GPR107: variants seen among roughly 807,000 people sequenced by gnomAD.
The protein encoded by GPR107 is protein GPR107.
In GPR107, 31 loss-of-function variants were observed where a neutral mutation model predicts 75.5. The ratio of observed to expected loss-of-function variants is 0.41; its 90% CI spans 0.31 to 0.55. GPR107 has a LOEUF of 0.55. Among genes scored for constraint, GPR107 ranks in the 20% least tolerant of loss-of-function variants. The pLI, the probability that GPR107 is intolerant of heterozygous loss-of-function variation, is 0.26. For synonymous variants in GPR107, 267 were observed against 251.3 expected, an observed-to-expected ratio of 1.06 and a Z score of -0.59; for missense variants, 572 against 665.7, an observed-to-expected ratio of 0.86 and a Z score of 1.55.
At chr9:130,109,807 G>A (rs1273607338) in intron 14 of GPR107, among the ~76,000 whole-genome samples, 9 of 152,028 alleles carry the variant, frequency 5.9e-5, no homozygotes, top group African/African-American at 1.9e-4. Flanking sequence ...CTGACCTCGC[G>A]ATCCACCTGC....
At chr9:130,074,654 C>G (rs138122211) in intron 1 of GPR107, among the ~76,000 whole-genome samples, 1 of 152,210 alleles carries the variant, frequency 6.6e-6, no homozygotes, top group Non-Finnish European at 1.5e-5. Context: ...ATCCAAAAGA[C>G]TCTGTCTCCA....
intron 14 of GPR107, among the ~76,000 whole-genome samples, chr9:130,108,569 A>G (rs1465578190): frequency 6.6e-6 from 1 of 152,222 alleles, no homozygotes; most frequent in Non-Finnish European, 1.5e-5. Context: ...ATAGTATGGC[A>G]TTCCTGCTGT....
At chr9:130,107,755 T>C (rs973285666) in intron 14 of GPR107, among the ~76,000 whole-genome samples, 1 of 152,208 alleles carries the variant, frequency 6.6e-6, no homozygotes, top group Non-Finnish European at 1.5e-5. Flanking sequence ...TGGGGGTGAC[T>C]GCTGCTTATT....
chr9:130,071,365 A>G (rs1202010216), intron 1 of GPR107, among the ~76,000 whole-genome samples: 1 of 151,712 alleles, frequency 6.6e-6, no homozygotes. Flanking sequence ...TACTGAATAT[A>G]GCTTTTTACA....
intron 1 of GPR107, among the ~76,000 whole-genome samples, chr9:130,062,648 G>GCCTTCCTT (rs1335996975): frequency 1.3e-4 from 12 of 95,478 alleles, no homozygotes; most frequent in Non-Finnish European, 1.6e-4. Flanking sequence ...CTGCCTGCCT[G>GCCTTCCTT]CCTGCCTGCC....
chr9:130,066,183 C>T (rs981690593), intron 1 of GPR107, among the ~76,000 whole-genome samples: 21 of 151,986 alleles, frequency 1.4e-4, no homozygotes, highest in Admixed American at 7.2e-4. Context: ...CCTGTAATCC[C>T]AGCTACTTGG....
At chr9:130,114,105 A>G (rs1182079201) in intron 14 of GPR107, among the ~76,000 whole-genome samples, 2 of 117,870 alleles carry the variant, frequency 1.7e-5, no homozygotes, top group South Asian at 2.8e-4. Context: ...ACAGTGGCTT[A>G]TGCCTGTAAT....
intron 15 of GPR107, among the ~76,000 whole-genome samples, chr9:130,125,561 G>C (rs188963899): frequency 2.1e-4 from 31 of 148,498 alleles, no homozygotes; most frequent in African/African-American, 7.4e-4. Flanking sequence ...AAATCTAGCT[G>C]TGTCTTTCAA....
intron 14 of GPR107, among the ~76,000 whole-genome samples, chr9:130,121,148 T>C (rs1831536408): frequency 6.6e-6 from 1 of 151,862 alleles, no homozygotes; most frequent in Non-Finnish European, 1.5e-5. Context: ...ACCACTGCAC[T>C]CCAGCCTGGG....
chr9:130,110,406 T>G (rs985253151), intron 14 of GPR107: 2 of 1,534,792 alleles, frequency 1.3e-6, no homozygotes, highest in African/African-American at 1.4e-5. Flanking sequence ...AGAGCGAATC[T>G]AAGAGCAGGA....
chr9:130,101,451 A>T (rs1048159021), intron 12 of GPR107, among the ~76,000 whole-genome samples: 1 of 152,234 alleles, frequency 6.6e-6, no homozygotes, highest in African/African-American at 2.4e-5. Flanking sequence ...CTAGATTTTG[A>T]GTAGAGAGCT....
intron 13 of GPR107, among the ~76,000 whole-genome samples, chr9:130,106,617 AAAT>A (rs138309360): frequency 1.2e-4 from 18 of 145,192 alleles, no homozygotes; most frequent in Middle Eastern, 3.6e-3. Flanking sequence ...ATAAATAAAT[AAAT>A]AATAATAATA....
chr9:130,057,842 T>A (rs953252603), intron 1 of GPR107, among the ~76,000 whole-genome samples: 8 of 151,028 alleles, frequency 5.3e-5, no homozygotes, highest in African/African-American at 1.9e-4. Flanking sequence ...TATTATTTTT[T>A]TTTTTTGAGA....
In GPR107 at chr9:130,079,768, A is replaced by C; in HGVS notation, c.525A>C (p.Gln175His). 1 of 1,604,388 alleles carries C rather than the reference A, an allele frequency of 6.2e-7. No homozygotes were observed. The highest frequency in any genetic ancestry group is 8.5e-7 in the Non-Finnish European group (1 of 1,175,334). ...ASAGNQTQKTQDGGKSKRSTV... is the reference protein window; with the variant it reads ...ASAGNQTQKTHDGGKSKRSTV... The stretch of plus-strand genomic sequence containing the variant: ...CAGGCAACCAGACCCAGAAGACACA[A>C]GGTAAACCGTAAGGTGGAAACTGGC... Residue 175 changes from glutamine to histidine, a missense_variant and splice_region_variant, in exon 5 of 18, where the codon CAA becomes CAC. Transcript: ENST00000347136.
intron 14 of GPR107, among the ~76,000 whole-genome samples, chr9:130,117,786 A>G (rs529898617): frequency 6.6e-6 from 1 of 152,128 alleles, no homozygotes; most frequent in African/African-American, 2.4e-5. Context: ...TTAGGCTCTG[A>G]GGCTGTCCTT....
At chr9:130,089,462 G>T (rs1212630054) in intron 7 of GPR107, among the ~76,000 whole-genome samples, 1 of 152,176 alleles carries the variant, frequency 6.6e-6, no homozygotes, top group Non-Finnish European at 1.5e-5. Flanking sequence ...GGATGGTGCA[G>T]TCCACTCTGA....
chr9:130,136,811 A>C lies in GPR107; in HGVS notation c.*1690A>C. ...TCTGCCTTCTGGCTGATGTGGAGGA[A>C]GAGCAAGCGCCTTCCCAGGCCACAG... On this transcript the variant is annotated 3_prime_UTR_variant, in exon 18 of 18. Coordinates refer to ENST00000347136, the MANE Select transcript of GPR107 (RefSeq NM_020960.5). 1 of 152,184 alleles carries C rather than the reference A, an allele frequency of 6.6e-6. No homozygotes were observed. The highest frequency in any genetic ancestry group is 3.2e-3 in the Middle Eastern group (1 of 316). The allele number at this position is 152,184 out of a possible 1,614,324, so 9.4% of individuals were successfully genotyped here.
chr9:130,072,903 A>T lies in GPR107; in HGVS notation c.142-2733A>T, dbSNP rs74377591. ...GACATACTTTTAAAATTAAAACTTT[A>T]TTGAAATGTAATATACATGGCTAAA... is the stretch of plus-strand genomic sequence containing the variant. On this transcript the variant is annotated intron_variant, in intron 1 of 17. Coordinates refer to ENST00000347136, the MANE Select transcript of GPR107 (RefSeq NM_020960.5). Among the ~76,000 whole-genome samples, 924 of 152,330 alleles carry T rather than the reference A, an allele frequency of 6.1e-3. 15 individuals are homozygous for T. Among genetic ancestry groups the T allele is most frequent in the African/African-American group, 0.021 (865 of 41,570 alleles).
At chr9:130,119,450 G>A (rs1831499620) in intron 14 of GPR107, among the ~76,000 whole-genome samples, 1 of 152,174 alleles carries the variant, frequency 6.6e-6, no homozygotes, top group African/African-American at 2.4e-5. Context: ...TGCTTTCTGT[G>A]TACTATCCCA....
Sources: allele counts gnomAD v4.1 joint callset (sites outside exome capture counted in the v4.1 genomes callset), GRCh38; gene constraint gnomAD v4.1.1; transcripts MANE v1.5; gene names NCBI Gene and HGNC (gene_info 2026-07-23, HGNC 2026-07-21).